Variants in RANBP2 observed in about 807,000 individuals in gnomAD.
The protein encoded by RANBP2 is RAN binding protein 2.
Under a neutral mutation model 303.6 loss-of-function variants are expected in RANBP2, and 57 were observed. The observed-to-expected ratio is 0.19, with a 90% CI of 0.15 to 0.23. The LOEUF is 0.23. Among genes scored for constraint, RANBP2 ranks in the 10% least tolerant of loss-of-function variants. The pLI is 1.00. For synonymous variants in RANBP2, 1,167 were observed against 1,301.5 expected (o/e 0.90, Z 2.23); for missense variants, 3,138 against 3,780.8 (o/e 0.83, Z 4.46).
At chr2:108,996,307 T>C in the RANBP2 span, among the ~76,000 whole-genome samples, 1 of 152,180 alleles carries the variant, frequency 6.6e-6, no homozygotes, top group Non-Finnish European at 1.5e-5. Flanking sequence ...ACACCCCAGG[T>C]GCAGGGATGT....
the RANBP2 span, among the ~76,000 whole-genome samples, chr2:109,041,156 T>C: frequency 2.0e-5 from 3 of 152,272 alleles, no homozygotes; most frequent in Admixed American, 2.0e-4. Context: ...TTTTAAAATA[T>C]TGACTTCTAT....
the RANBP2 span, among the ~76,000 whole-genome samples, chr2:109,453,102 G>A: frequency 3.3e-5 from 5 of 152,212 alleles, no homozygotes; most frequent in Admixed American, 1.3e-4. Flanking sequence ...TGGTGTGCAG[G>A]CCTCTGGGGA....
chr2:108,791,779 A>C, the RANBP2 span: 3 of 1,591,140 alleles, frequency 1.9e-6, no homozygotes, highest in South Asian at 3.4e-5. Context: ...ATAACCAAGC[A>C]GTCTTTTAAA....
the RANBP2 span, among the ~76,000 whole-genome samples, chr2:109,624,735 G>A: frequency 2.6e-5 from 4 of 152,234 alleles, no homozygotes; most frequent in Admixed American, 2.6e-4. Flanking sequence ...ACTTCTCATT[G>A]CGTATGCTGC....
At chr2:109,148,949 A>C in the RANBP2 span, among the ~76,000 whole-genome samples, 2 of 152,206 alleles carry the variant, frequency 1.3e-5, no homozygotes, top group Admixed American at 6.5e-5. Context: ...TTTGTGGAGC[A>C]GACAGAGCCC....
At chr2:109,311,569 G>A in the RANBP2 span, among the ~76,000 whole-genome samples, 6 of 152,154 alleles carry the variant, frequency 3.9e-5, no homozygotes, top group African/African-American at 7.2e-5. Flanking sequence ...GTTTGCAGAC[G>A]ACATGATTGT....
chr2:108,871,360 C>G, the RANBP2 span, among the ~76,000 whole-genome samples: 1 of 133,250 alleles, frequency 7.5e-6, no homozygotes, highest in Non-Finnish European at 1.6e-5. Flanking sequence ...TGATGAAACC[C>G]CAACTCTATT....
At chr2:109,645,955 A>G in the RANBP2 span, among the ~76,000 whole-genome samples, 19 of 152,176 alleles carry the variant, frequency 1.2e-4, no homozygotes, top group Non-Finnish European at 2.9e-5. Flanking sequence ...AAAGGCTGAA[A>G]TGCTCATGAA....
the RANBP2 span, among the ~76,000 whole-genome samples, chr2:109,466,381 G>T: frequency 6.6e-6 from 1 of 152,116 alleles, no homozygotes; most frequent in African/African-American, 2.4e-5. Context: ...CGCCCAGCCT[G>T]TACATCTTTT....
chr2:108,876,069 G>A, the RANBP2 span: 6 of 1,485,590 alleles, frequency 4.0e-6, no homozygotes, highest in African/African-American at 1.4e-5. Context: ...ATTAAATAAT[G>A]TATTCATTTT....
chr2:109,106,765 A>G, the RANBP2 span, among the ~76,000 whole-genome samples: 30,210 of 151,678 alleles, frequency 0.2, 4,309 homozygotes, highest in East Asian at 0.65. Flanking sequence ...TGAATCCGGG[A>G]GGCAGAGCTT....
the RANBP2 span, among the ~76,000 whole-genome samples, chr2:109,462,015 AC>A: frequency 3.9e-5 from 6 of 151,932 alleles, no homozygotes; most frequent in African/African-American, 1.5e-4. Flanking sequence ...GTGTGCCCCC[AC>A]ACCACCAAAC....
the RANBP2 span, among the ~76,000 whole-genome samples, chr2:109,092,495 T>C: frequency 6.6e-6 from 1 of 152,308 alleles, no homozygotes; most frequent in Non-Finnish European, 1.5e-5. Context: ...ATGCAGCCCA[T>C]TGGTCAACAC....
the RANBP2 span, among the ~76,000 whole-genome samples, chr2:109,011,414 C>G: frequency 0.016 from 2,394 of 152,292 alleles, 71 homozygotes; most frequent in African/African-American, 0.054. Flanking sequence ...AAGTGCCAAG[C>G]CATCCTGATT....
chr2:109,502,576 G>A, the RANBP2 span: 1 of 152,142 alleles, frequency 6.6e-6, no homozygotes, highest in South Asian at 2.1e-4. Context: ...CTGGCGGGGT[G>A]GATCCATTGA....
chr2:108,782,170 A>C lies in RANBP2; in HGVS notation c.8803A>C (p.Lys2935Gln), dbSNP rs2149331685. ...AGAAGAAGATGAAGAAATTTTGTTT[A>C]AAGAGAGAGCCAAACTTTATAGATG... ...SGEEDEEILFKERAKLYRWDR... is the reference protein window; with the variant it reads ...SGEEDEEILFQERAKLYRWDR... Residue 2935 changes from lysine (K) to glutamine (Q), a missense_variant, in exon 27 of 29, where the codon AAA (lysine) becomes CAA (glutamine). Transcript: ENST00000283195. 6.2e-7 allele frequency: 1 copy of C among 1,614,178 alleles called. No individual in the cohort carries two copies. The highest frequency in any genetic ancestry group is 2.2e-5 in the East Asian group (1 of 44,878).
the RANBP2 span, among the ~76,000 whole-genome samples, chr2:109,435,386 T>TA: frequency 6.6e-6 from 1 of 152,232 alleles, no homozygotes; most frequent in Non-Finnish European, 1.5e-5. Flanking sequence ...GCAGAAGGCT[T>TA]ATCTGGCAGT....
At chr2:108,842,507 TCACA>T in the RANBP2 span, among the ~76,000 whole-genome samples, 10 of 152,126 alleles carry the variant, frequency 6.6e-5, no homozygotes, top group Admixed American at 4.6e-4. Flanking sequence ...TACAGGTTTT[TCACA>T]GGCTGTTTTG....
the RANBP2 span, among the ~76,000 whole-genome samples, chr2:108,822,240 A>C: frequency 6.6e-6 from 1 of 152,202 alleles, no homozygotes; most frequent in Non-Finnish European, 1.5e-5. Context: ...ATAAAAAGGT[A>C]AATTCACCAA....
Sources: allele counts gnomAD v4.1 joint callset (sites outside exome capture counted in the v4.1 genomes callset), GRCh38; gene constraint gnomAD v4.1.1; transcripts MANE v1.5; gene names NCBI Gene and HGNC (gene_info 2026-07-23, HGNC 2026-07-21).